ZNF235: variants seen among roughly 807,000 people sequenced by gnomAD.
The protein encoded by ZNF235 is zinc finger protein 235.
Under a neutral mutation model 29.4 loss-of-function variants are expected in ZNF235, and 25 were observed. The observed-to-expected ratio is 0.85, with a 90% CI of 0.62 to 1.19. ZNF235 has a LOEUF of 1.19. Among genes scored for constraint, ZNF235 ranks in the 50% most tolerant of loss-of-function variants. ZNF235 has a pLI of 0.00. For missense variants in ZNF235, 788 were observed against 885.0 expected (o/e 0.89, Z 1.39); for synonymous variants, 300 against 295.3 (o/e 1.02, Z -0.16).
chr19:44,290,305 T>C (rs1338019301), intron 4 of ZNF235: 1 of 153,672 alleles, frequency 6.5e-6, no homozygotes, highest in East Asian at 1.9e-4. Flanking sequence ...GAAAAGACAC[T>C]TGTCTTTGGA....
Position 44,286,693 on chromosome 19 carries a change from T to TA in ZNF235, c.*524dup, listed in dbSNP as rs1975490031. On this transcript the variant is annotated 3_prime_UTR_variant, in exon 5 of 5. Coordinates refer to ENST00000291182, the MANE Select transcript of ZNF235 (RefSeq NM_004234.4). ...GATTCCTTTTGAATATAAATTAATA[T>TA]AAATTTAGAGTAGAAAACAGACTAG... 6.6e-6 allele frequency: 1 copy of TA among 152,298 alleles called. No homozygotes were observed. Among genetic ancestry groups the TA allele is most frequent in the Non-Finnish European group, 1.5e-5 (1 of 68,134 alleles). 9.4% of individuals were successfully genotyped at this position (152,298 alleles called of 1,614,324 possible). A position where few individuals can be genotyped will look rare whatever the true frequency, so the allele number is the denominator to read the frequency against.
In ZNF235 at chr19:44,298,179, T is replaced by A. The variant is rs113060497; in HGVS notation, c.238+629A>T. Among the ~76,000 whole-genome samples, 296 of 151,872 alleles carry A rather than the reference T, an allele frequency of 1.9e-3. 1 individual carries two copies. Among genetic ancestry groups the A allele is most frequent in the African/African-American group, 6.9e-3 (284 of 41,388 alleles). On this transcript the variant is annotated intron_variant, in intron 4 of 4. Transcript: ENST00000291182. Reference sequence around the variant, plus strand: ...AAAAAACAGCATTCCAGCCAGAGAATAGAAAGTAAAAGGCTGTGATGCAGA... The same window carrying A: ...AAAAAACAGCATTCCAGCCAGAGAAAAGAAAGTAAAAGGCTGTGATGCAGA...
At chr19:44,303,270 C>T in intron 2 of ZNF235, 120 bp downstream of exon 2, 1 of 862,424 alleles carries the variant, frequency 1.2e-6, no homozygotes, top group Non-Finnish European at 1.9e-6. Flanking sequence ...AACAACCTGG[C>T]ATATAACAAC....
intron 4 of ZNF235, among the ~76,000 whole-genome samples, chr19:44,294,031 G>A (rs1975620763): frequency 6.6e-6 from 1 of 150,676 alleles, no homozygotes; most frequent in African/African-American, 2.4e-5. Context: ...CAAACCCAAA[G>A]TCAGCAGAAG....
At chr19:44,292,640 G>C (rs1025871484) in intron 4 of ZNF235, among the ~76,000 whole-genome samples, 4 of 151,796 alleles carry the variant, frequency 2.6e-5, no homozygotes, top group Non-Finnish European at 4.4e-5. Context: ...ATTCCTGAGG[G>C]AGAAGAAAAA....
chr19:44,289,718 A>C (rs1230357396), intron 4 of ZNF235: 1 of 152,342 alleles, frequency 6.6e-6, no homozygotes, highest in Non-Finnish European at 1.5e-5. Flanking sequence ...AGTACTTAGA[A>C]AGGAAAAATT....
At position 44,287,960 on chromosome 19, in the gene ZNF235, C is replaced by T. The variant is rs1975516461; in HGVS notation, c.1475G>A (p.Cys492Tyr). Residue 492 changes from cysteine (C) to tyrosine (Y), a missense_variant, in exon 5 of 5, where the codon TGT becomes TAT. Transcript: ENST00000291182. ...TGEKPYKCEE[C>Y]GKGFSSASSF... ...TGAGGCTGAACTAAAACCCTTACCA[C>T]ACTCTTCACATTTATATGGTTTTTC... The T allele has an allele frequency of 6.2e-7, 1 of 1,614,192 alleles. No individual in the cohort carries two copies. The highest frequency in any genetic ancestry group is 8.5e-7 in the Non-Finnish European group (1 of 1,180,050).
At chr19:44,300,004 C>G (rs1975712646) in intron 2 of ZNF235, among the ~76,000 whole-genome samples, 1 of 152,196 alleles carries the variant, frequency 6.6e-6, no homozygotes, top group South Asian at 2.1e-4. Flanking sequence ...TTCTTCCCAA[C>G]AGTGTTTGAT....
Position 44,286,963 on chromosome 19 carries a change from C to T in ZNF235, c.*255G>A, listed in dbSNP as rs899681325. On this transcript the variant is annotated 3_prime_UTR_variant, in exon 5 of 5. Coordinates refer to ENST00000291182, the MANE Select transcript of ZNF235 (RefSeq NM_004234.4). ...TTCTGCTGTGTTACATCTTGAGAACCGGGACACCTGGTACTCTGATATAAA... is the reference window on the plus strand; with the variant it reads ...TTCTGCTGTGTTACATCTTGAGAACTGGGACACCTGGTACTCTGATATAAA... The T allele has an allele frequency of 1.2e-4, 45 of 375,982 alleles. No individual in the cohort carries two copies. The highest frequency in any genetic ancestry group is 2.9e-4 in the East Asian group (7 of 23,874). The allele number at this position is 375,982 out of a possible 1,614,324, so 23.3% of individuals were successfully genotyped here.
At position 44,294,889 on chromosome 19, in the gene ZNF235, C is replaced by T. The variant is rs140220318; in HGVS notation, c.238+3919G>A. The stretch of plus-strand genomic sequence containing the variant: ...AAAACCATTTGACAAAATTCAGCAT[C>T]CTCTCATGATAAAAACCTTTGACAA... On this transcript the variant is annotated intron_variant, in intron 4 of 4. Transcript: ENST00000291182. Among the ~76,000 whole-genome samples the T allele has an allele frequency of 8.5e-3, 1,287 of 152,214 alleles. 6 individuals carry two copies. Among genetic ancestry groups the T allele is most frequent in the Middle Eastern group, 0.014 (4 of 294 alleles).
At chr19:44,296,576 A>C (rs1224504590) in intron 4 of ZNF235, among the ~76,000 whole-genome samples, 1 of 152,174 alleles carries the variant, frequency 6.6e-6, no homozygotes, top group Non-Finnish European at 1.5e-5. Context: ...CAAAGGACAT[A>C]AGCAATTTTA....
intron 4 of ZNF235, chr19:44,290,829 A>C (rs1353189916): frequency 6.5e-6 from 1 of 153,164 alleles, no homozygotes; most frequent in Non-Finnish European, 1.5e-5. Flanking sequence ...ATTACCAAAC[A>C]GCCCACTGAC....
intron 4 of ZNF235, 78 bp from the exon 5 acceptor site, chr19:44,289,274 T>C: frequency 5.3e-6 from 7 of 1,327,676 alleles, no homozygotes; most frequent in Non-Finnish European, 6.0e-6. Context: ...ATCTAAGCTC[T>C]CATTTTCCCC....
chr19:44,287,662 G>A lies in ZNF235; in HGVS notation c.1773C>T (p.Ser591=), dbSNP rs61743786. Residue 591 remains serine (S), a synonymous_variant, in exon 5 of 5, where the codon AGC becomes AGT. Transcript: ENST00000291182. The part of the protein sequence containing the change: ...SQASNLQAHQ[S]VHTGEKPFKC... ...TGAATGGTTTTTCCCCAGTGTGGAC[G>A]CTCTGATGGGCTTGAAGATTTGAAG... 16 of 1,611,018 alleles carry A rather than the reference G, an allele frequency of 9.9e-6. No homozygotes were observed. The Admixed American group carries it at 1.0e-4, about 10-fold the overall frequency.
intron 2 of ZNF235, among the ~76,000 whole-genome samples, chr19:44,302,767 CATAT>C (rs56300217): frequency 1.8e-4 from 26 of 140,762 alleles, no homozygotes; most frequent in South Asian, 1.1e-3. Context: ...TTTATATTTA[CATAT>C]ATATATATAT....
Position 44,287,203 on chromosome 19 carries a change from C to A in ZNF235, c.*15G>T, listed in dbSNP as rs553785195. ...ATGTGAGCTCTAACTGAAGGCTGAA[C>A]CACACCTCTCATTTCTACAGATTCC... On this transcript the variant is annotated 3_prime_UTR_variant, in exon 5 of 5. Coordinates refer to ENST00000291182, the MANE Select transcript of ZNF235 (RefSeq NM_004234.4). 6 of 1,565,438 alleles carry A rather than the reference C, an allele frequency of 3.8e-6. No homozygotes were observed. The South Asian group carries it at 7.3e-5, about 19-fold the overall frequency.
intron 3 of ZNF235, among the ~76,000 whole-genome samples, 172 bp downstream of exon 3, chr19:44,299,434 T>C (rs1394592608): frequency 3.3e-5 from 5 of 152,214 alleles, no homozygotes; most frequent in Non-Finnish European, 7.4e-5. Context: ...AGAAAAACTC[T>C]AGTCTCTGAG....
rs1463907152 is a variant in ZNF235 at position 44,289,264 on chromosome 19, ATCTAAGC to A, written c.239-75_239-69del. 2.9e-6 allele frequency: 4 copies of A among 1,377,570 alleles called. No homozygotes were observed. The East Asian group carries it at 9.6e-5, about 33-fold the overall frequency. The allele number at this position is 1,377,570 out of a possible 1,614,324, so 85.3% of individuals were successfully genotyped here. A position where few individuals can be genotyped will look rare whatever the true frequency, so the allele number is the denominator to read the frequency against. On this transcript the variant is annotated intron_variant, in intron 4 of 4. Transcript: ENST00000291182. ...GACATTAGCAAAGTAGAGAATTAAG[ATCTAAGC>A]TCTCATTTTCCCCATGGAAACGTCA...
At chr19:44,299,527 A>T in intron 3 of ZNF235, 79 bp downstream of exon 3, 4 of 1,564,498 alleles carry the variant, frequency 2.6e-6, no homozygotes, top group Non-Finnish European at 3.5e-6. Context: ...CTGATACAAC[A>T]CAGAATTATC....
Sources: gnomAD v4.1 joint callset for allele counts (sites outside exome capture counted in the v4.1 genomes callset) on GRCh38, gnomAD v4.1.1 for gene constraint, MANE v1.5 for transcripts, NCBI Gene and HGNC (gene_info 2026-07-23, HGNC 2026-07-21) for gene names.